Variants in MYL12A observed in about 807,000 individuals in gnomAD.
The protein encoded by MYL12A is myosin regulatory light chain 12A.
In MYL12A, 11 loss-of-function variants were observed where a neutral mutation model predicts 13.3. The ratio of observed to expected loss-of-function variants is 0.83; its 90% CI spans 0.52 to 1.37. The LOEUF is 1.37. Among genes scored for constraint, MYL12A ranks in the 40% most tolerant of loss-of-function variants. The probability of loss-of-function intolerance (pLI) is 0.00; values close to 1 mark genes in which losing one functional copy is unlikely to be tolerated. For synonymous variants in MYL12A, 51 were observed against 69.9 expected, an observed-to-expected ratio of 0.73 and a Z score of 1.35; for missense variants, 146 against 212.3, an observed-to-expected ratio of 0.69 and a Z score of 1.94.
chr18:3,250,052 G>A (rs937304409), intron 1 of MYL12A: 12 of 143,992 alleles, frequency 8.3e-5, no homozygotes, highest in African/African-American at 3.1e-4. Context: ...TTTTACCCTA[G>A]CTTGCTTTTT....
intron 1 of MYL12A, chr18:3,252,627 GA>G (rs2081497300): frequency 2.3e-6 from 1 of 434,914 alleles, no homozygotes; most frequent in Non-Finnish European, 3.6e-6. Context: ...AACTGGTTTG[GA>G]TAGAGTGCAA....
At chr18:3,248,271 C>G (rs1465117113) in intron 1 of MYL12A, 1 of 152,218 alleles carries the variant, frequency 6.6e-6, no homozygotes, top group Non-Finnish European at 1.5e-5. Context: ...TGTCCCCCTG[C>G]TGCAGCTGTT....
Position 3,256,157 on chromosome 18 carries a change from A to G in MYL12A, c.*239A>G. 2.3e-6 allele frequency: 1 copy of G among 439,336 alleles called. No individual in the cohort carries two copies. The highest frequency in any genetic ancestry group is 4.0e-6 in the Non-Finnish European group (1 of 252,192). 27.2% of individuals were successfully genotyped at this position (439,336 alleles called of 1,614,324 possible). ...CCTTCTCCCCCAATAACTGTGGTCT[A>G]TACAGAGTCAATATATTTTTTCAGA... On this transcript the variant is annotated 3_prime_UTR_variant, in exon 4 of 4. Coordinates refer to ENST00000217652, the MANE Select transcript of MYL12A (RefSeq NM_006471.4).
At chr18:3,252,825 T>G (rs955172460) in intron 1 of MYL12A, among the ~76,000 whole-genome samples, 1 of 152,188 alleles carries the variant, frequency 6.6e-6, no homozygotes, top group Non-Finnish European at 1.5e-5. Context: ...GTTCCATCAG[T>G]TAGTCATTCT....
Position 3,253,419 on chromosome 18 carries a change from G to T in MYL12A, c.172G>T (p.Ala58Ser). ...CAAGGAAGATTTGCATGATATGCTT[G>T]CTTCATTGGGTAATGCTCAGTTTAA... is the stretch of plus-strand genomic sequence containing the variant. The part of the protein sequence containing the change: ...IDKEDLHDML[A>S]SLGKNPTDEY... The change falls in exon 2 of 4, where the codon GCT becomes TCT. Residue 58 changes from alanine to serine, a missense_variant. Coordinates refer to ENST00000217652, the MANE Select transcript of MYL12A (RefSeq NM_006471.4). 6.2e-7 allele frequency: 1 copy of T among 1,613,284 alleles called. No individual in the cohort carries two copies. Among genetic ancestry groups the T allele is most frequent in the Admixed American group, 1.7e-5 (1 of 59,904 alleles).
rs546861041 is a variant in MYL12A at position 3,255,680 on chromosome 18, T to A, written c.344-66T>A. On this transcript the variant is annotated intron_variant, in intron 3 of 3. Coordinates refer to ENST00000217652, the MANE Select transcript of MYL12A (RefSeq NM_006471.4). ...CATACAGAACATGCTTAGTCAAGTA[T>A]AGATATTCTTTGTAATTAACCCTCA... 5 of 1,526,330 alleles carry A rather than the reference T, an allele frequency of 3.3e-6. No individual in the cohort carries two copies. The African/African-American group carries it at 7.0e-5, about 21-fold the overall frequency. The allele number at this position is 1,526,330 out of a possible 1,614,324, so 94.5% of individuals were successfully genotyped here. A position where few individuals can be genotyped will look rare whatever the true frequency, so the allele number is the denominator to read the frequency against.
intron 1 of MYL12A, chr18:3,252,199 C>T: frequency 1.4e-6 from 1 of 713,670 alleles, no homozygotes; most frequent in Admixed American, 3.1e-5. Context: ...AATTGTTATC[C>T]TGGTCAGAGT....
At chr18:3,251,352 G>A (rs894903243) in intron 1 of MYL12A, among the ~76,000 whole-genome samples, 1 of 152,140 alleles carries the variant, frequency 6.6e-6, no homozygotes, top group South Asian at 2.1e-4. Flanking sequence ...AAAATCAGAT[G>A]TGTCAGCCGT....
intron 1 of MYL12A, 146 bp from the exon 2 acceptor site, chr18:3,253,087 A>C: frequency 1.3e-6 from 1 of 785,464 alleles, no homozygotes; most frequent in Non-Finnish European, 2.0e-6. Context: ...TCTTGTTGAG[A>C]TGTGTCTTCT....
At chr18:3,248,424 A>T (rs1262398478) in intron 1 of MYL12A, 1 of 152,096 alleles carries the variant, frequency 6.6e-6, no homozygotes, top group Non-Finnish European at 1.5e-5. Context: ...TTAGTTTGTG[A>T]CTCGAAGAAA....
At chr18:3,251,142 A>C (rs569667072) in intron 1 of MYL12A, among the ~76,000 whole-genome samples, 29 of 103,450 alleles carry the variant, frequency 2.8e-4, no homozygotes, top group South Asian at 2.3e-3. Context: ...GTGCTGACCC[A>C]AAAAAAAAAA....
At chr18:3,251,304 G>A (rs2081483151) in intron 1 of MYL12A, among the ~76,000 whole-genome samples, 1 of 151,112 alleles carries the variant, frequency 6.6e-6, no homozygotes, top group Middle Eastern at 3.2e-3. Flanking sequence ...GAGGACCCTC[G>A]TAAATTTAGT....
intron 1 of MYL12A, among the ~76,000 whole-genome samples, chr18:3,251,210 G>A (rs1209007982): frequency 1.3e-5 from 2 of 151,438 alleles, no homozygotes; most frequent in Admixed American, 6.6e-5. Flanking sequence ...AAAAAAGTGC[G>A]TGATTAAAAG....
In MYL12A at chr18:3,253,896, T is replaced by C; in HGVS notation, c.189T>C (p.Asn63=). Residue 63 remains asparagine (N), a synonymous_variant, in exon 3 of 4, where the codon AAT becomes AAC. Coordinates refer to ENST00000217652, the MANE Select transcript of MYL12A (RefSeq NM_006471.4). ...LHDMLASLGK[N]PTDEYLDAMM... ...CCCCTTTTAAAAATTTAGGGAAGAA[T>C]CCAACTGATGAGTATCTAGATGCCA... 1.3e-6 allele frequency: 2 copies of C among 1,598,630 alleles called. No individual in the cohort carries two copies. The highest frequency in any genetic ancestry group is 1.7e-6 in the Non-Finnish European group (2 of 1,176,258).
intron 2 of MYL12A, 97 bp downstream of exon 2, chr18:3,253,525 A>T: frequency 7.1e-7 from 1 of 1,409,866 alleles, no homozygotes; most frequent in Non-Finnish European, 9.7e-7. Flanking sequence ...AGCCTGTCTA[A>T]TGAGTCTACT....
intron 2 of MYL12A, 95 bp from the exon 3 acceptor site, chr18:3,253,794 T>G: frequency 3.0e-6 from 4 of 1,333,084 alleles, no homozygotes; most frequent in Non-Finnish European, 4.1e-6. Flanking sequence ...GTAAACTGTA[T>G]GAATGATAAT....
intron 1 of MYL12A, among the ~76,000 whole-genome samples, chr18:3,249,005 A>G (rs1161687593): frequency 6.6e-6 from 1 of 152,190 alleles, no homozygotes; most frequent in African/African-American, 2.4e-5. Flanking sequence ...ACTAGGTGCT[A>G]TCACAGTACG....
intron 1 of MYL12A, chr18:3,252,434 T>G (rs1598797277): frequency 7.5e-7 from 1 of 1,338,576 alleles, no homozygotes; most frequent in Non-Finnish European, 9.9e-7. Flanking sequence ...TTAGGTATTA[T>G]TAGACATTCT....
chr18:3,252,443 C>A, intron 1 of MYL12A: 2 of 1,306,614 alleles, frequency 1.5e-6, no homozygotes, highest in Non-Finnish European at 1.0e-6. Context: ...ATTAGACATT[C>A]TTTTTAATTT....
Sources: gnomAD v4.1 joint callset for allele counts (sites outside exome capture counted in the v4.1 genomes callset) on GRCh38, gnomAD v4.1.1 for gene constraint, MANE v1.5 for transcripts, NCBI Gene and HGNC (gene_info 2026-07-23, HGNC 2026-07-21) for gene names.